Variants in CXCR6 observed in about 807,000 individuals in gnomAD.
CXCR6 encodes the protein C-X-C motif chemokine receptor 6, also known as C-X-C chemokine receptor type 6.
Under a neutral mutation model 1.6 loss-of-function variants are expected in CXCR6, and 3 were observed. The observed-to-expected ratio is 1.83, with a 90% CI of 0.83 to 4.72. CXCR6 has a LOEUF of 4.72. Among genes scored for constraint, CXCR6 ranks in the 30% most tolerant of loss-of-function variants. CXCR6 has a pLI of 0.02. For synonymous variants in CXCR6, 171 were observed against 159.2 expected (o/e 1.07, Z -0.56); for missense variants, 326 against 414.8 (o/e 0.79, Z 1.86).
Position 45,947,081 on chromosome 3 carries a change from C to T in CXCR6, c.600C>T (p.Phe200=), listed in dbSNP as rs73830634. ...TTGCCACCCAGATGACACTGGGGTT[C>T]TTCTTGCCACTGCTCACCATGATTG... The part of the protein sequence containing the change: ...VVLATQMTLG[F]FLPLLTMIVC... Residue 200 remains phenylalanine, a synonymous_variant, in exon 2 of 2, where the codon TTC becomes TTT. Transcript: ENST00000304552. 870 of 1,614,092 alleles carry T rather than the reference C, an allele frequency of 5.4e-4. 5 individuals carry two copies. The African/African-American group carries it at 7.0e-3, about 13-fold the overall frequency.
At chr3:45,942,108 A>C (rs913777320), upstream of CXCR6, among the ~76,000 whole-genome samples, 15 of 152,220 alleles carry the variant, frequency 9.9e-5, no homozygotes, top group African/African-American at 3.6e-4. Flanking sequence ...GTCTGAACGA[A>C]TTCATTCAAA....
chr3:45,946,432 A>T (rs1704609823), intron 1 of CXCR6, 29 bp from the exon 2 acceptor site: 2 of 1,523,512 alleles, frequency 1.3e-6, no homozygotes, highest in Admixed American at 1.8e-5. Context: ...CCTCAGCCCC[A>T]AATATAATTC....
At chr3:45,941,166 C>T (rs562752574), upstream of CXCR6, 5 of 152,242 alleles carry the variant, frequency 3.3e-5, no homozygotes, top group South Asian at 1.0e-3. Flanking sequence ...CTATAAGTGC[C>T]CACTGCCACG....
At chr3:45,945,722 A>G (rs1178716444) in intron 1 of CXCR6, 2 of 152,180 alleles carry the variant, frequency 1.3e-5, no homozygotes, top group African/African-American at 4.8e-5. Flanking sequence ...TAACTGATGA[A>G]GGGGAAAGTT....
In CXCR6 at chr3:45,947,019, T is replaced by C. The variant is rs1559449498; in HGVS notation, c.538T>C (p.Cys180Arg). 5 of 1,614,248 alleles carry C rather than the reference T, an allele frequency of 3.1e-6. No individual in the cohort carries two copies. In the East Asian group the frequency reaches 1.1e-4, roughly 36 times the overall value. ...TGTCTTTAATCTCGACAAGCTCATATGTGGTTACCATGACGAGGCAATTTC... is the reference window on the plus strand; with the variant it reads ...TGTCTTTAATCTCGACAAGCTCATACGTGGTTACCATGACGAGGCAATTTC... ...GNVFNLDKLICGYHDEAISTV... is the reference protein window; with the variant it reads ...GNVFNLDKLIRGYHDEAISTV... Residue 180 changes from cysteine (C) to arginine (R), a missense_variant, in exon 2 of 2, where the codon TGT (cysteine) becomes CGT (arginine). Physicochemically the swap from Cys to Arg is radical, Grantham distance 180. Coordinates refer to ENST00000304552, the MANE Select transcript of CXCR6 (RefSeq NM_006564.2).
At chr3:45,943,247 T>C (rs1411404046), upstream of CXCR6, among the ~76,000 whole-genome samples, 2 of 152,182 alleles carry the variant, frequency 1.3e-5, no homozygotes, top group African/African-American at 4.8e-5. Context: ...TCCCCTTTAG[T>C]TTACGAATAA....
Position 45,947,716 on chromosome 3 carries a change from G to T in CXCR6, c.*206G>T. 1.8e-6 allele frequency: 1 copy of T among 563,220 alleles called. No individual in the cohort carries two copies. Among genetic ancestry groups the T allele is most frequent in the East Asian group, 2.9e-5 (1 of 34,204 alleles). 34.9% of individuals were successfully genotyped at this position (563,220 alleles called of 1,614,324 possible). On this transcript the variant is annotated 3_prime_UTR_variant, in exon 2 of 2. Coordinates refer to ENST00000304552, the MANE Select transcript of CXCR6 (RefSeq NM_006564.2). ...CTCATGCTGAAAGCCCAAGTAGGGG[G>T]TCTAAAATTTTTAAGGACTTTCCTT...
At position 45,947,758 on chromosome 3, in the gene CXCR6, T is replaced by A. The variant is rs1704728431; in HGVS notation, c.*248T>A. The A allele has an allele frequency of 2.0e-6, 1 of 506,532 alleles. No homozygotes were observed. The allele number at this position is 506,532 out of a possible 1,614,324, so 31.4% of individuals were successfully genotyped here. A position where few individuals can be genotyped will look rare whatever the true frequency, so the allele number is the denominator to read the frequency against. The stretch of plus-strand genomic sequence containing the variant: ...ACTTTCCTTCCTCCATCTCCAAGAA[T>A]GCTGAAACCAAGGGGGATGACATGT... On this transcript the variant is annotated 3_prime_UTR_variant, in exon 2 of 2. Coordinates refer to ENST00000304552, the MANE Select transcript of CXCR6 (RefSeq NM_006564.2).
At chr3:45,943,404 T>C (rs1704366717), upstream of CXCR6, 1 of 151,994 alleles carries the variant, frequency 6.6e-6, no homozygotes, top group Non-Finnish European at 1.5e-5. Context: ...GAGTAGGGGG[T>C]GGGTCTCTTA....
rs1376860644 is a variant in CXCR6, at chr3:45,946,478, C to T, written c.-4C>T. Reference sequence around the variant, plus strand: ...ACTCACAGGTGTTCATCAGAACAGACACCATGGCAGAGCATGATTACCATG... The same window carrying T: ...ACTCACAGGTGTTCATCAGAACAGATACCATGGCAGAGCATGATTACCATG... On this transcript the variant is annotated 5_prime_UTR_variant, in exon 2 of 2. Coordinates refer to ENST00000304552, the MANE Select transcript of CXCR6 (RefSeq NM_006564.2). The T allele has an allele frequency of 2.5e-6, 4 of 1,610,068 alleles. No homozygotes were observed. Among genetic ancestry groups the T allele is most frequent in the Non-Finnish European group, 2.5e-6 (3 of 1,177,194 alleles).
chr3:45,946,647 T>C lies in CXCR6; in HGVS notation c.166T>C (p.Ser56Pro), dbSNP rs778725956. 1.2e-6 allele frequency: 2 copies of C among 1,614,082 alleles called. No individual in the cohort carries two copies. The highest frequency in any genetic ancestry group is 2.7e-5 in the African/African-American group (2 of 74,912). The change falls in exon 2 of 2, where the codon TCC (serine) becomes CCC (proline). Residue 56 changes from serine (S) to proline (P), a missense_variant. By Grantham distance (74) the Ser-to-Pro change is moderately conservative. Transcript: ENST00000304552. The part of the protein sequence containing the change: ...LVGNSLVLVI[S>P]IFYHKLQSLT... ...GGGGAACTCTCTGGTGCTGGTCATATCCATCTTCTACCATAAGTTGCAGAG... is the reference window on the plus strand; with the variant it reads ...GGGGAACTCTCTGGTGCTGGTCATACCCATCTTCTACCATAAGTTGCAGAG...
chr3:45,947,078 G>A lies in CXCR6; in HGVS notation c.597G>A (p.Gly199=), dbSNP rs1559449556. The A allele has an allele frequency of 6.2e-7, 1 of 1,614,210 alleles. No individual in the cohort carries two copies. Among genetic ancestry groups the A allele is most frequent in the Non-Finnish European group, 8.5e-7 (1 of 1,180,042 alleles). The change falls in exon 2 of 2, where the codon GGG becomes GGA. Residue 199 remains glycine, a synonymous_variant. Coordinates refer to ENST00000304552, the MANE Select transcript of CXCR6 (RefSeq NM_006564.2). ...TTCTTGCCACCCAGATGACACTGGGGTTCTTCTTGCCACTGCTCACCATGA... is the reference window on the plus strand; with the variant it reads ...TTCTTGCCACCCAGATGACACTGGGATTCTTCTTGCCACTGCTCACCATGA... The part of the protein sequence containing the change: ...TVVLATQMTL[G]FFLPLLTMIV...
intron 1 of CXCR6, chr3:45,944,909 C>G (rs1334494110): frequency 1.3e-5 from 2 of 152,182 alleles, no homozygotes; most frequent in African/African-American, 2.4e-5. Context: ...AACACATACA[C>G]ATCATCTGAC....
Position 45,947,305 on chromosome 3 carries a change from C to G in CXCR6, c.824C>G (p.Ala275Gly). ...SFHYTIMVTE[A>G]IAYLRACLNP... The stretch of plus-strand genomic sequence containing the variant: ...CACTACACCATCATGGTGACAGAGG[C>G]CATCGCATACCTGAGGGCCTGCCTT... Residue 275 changes from alanine (A) to glycine (G), a missense_variant, in exon 2 of 2, where the codon GCC becomes GGC. Transcript: ENST00000304552. 6.2e-7 allele frequency: 1 copy of G among 1,614,146 alleles called. No individual in the cohort carries two copies. Among genetic ancestry groups the G allele is most frequent in the Non-Finnish European group, 8.5e-7 (1 of 1,180,028 alleles).
upstream of CXCR6, among the ~76,000 whole-genome samples, chr3:45,941,736 C>T (rs1465847610): frequency 1.3e-5 from 2 of 152,162 alleles, no homozygotes; most frequent in Non-Finnish European, 2.9e-5. Context: ...GCTTGTTTTT[C>T]CCCATGGAGT....
chr3:45,942,677 A>T (rs1432160625), upstream of CXCR6, among the ~76,000 whole-genome samples: 1 of 152,208 alleles, frequency 6.6e-6, no homozygotes, highest in East Asian at 1.9e-4. Context: ...GTTATTTCCC[A>T]GAAGGGTCAG....
At position 45,947,253 on chromosome 3, in the gene CXCR6, T is replaced by C. The variant is rs1704676762; in HGVS notation, c.772T>C (p.Trp258Arg). The change falls in exon 2 of 2, where the codon TGG (tryptophan) becomes CGG (arginine). Residue 258 changes from tryptophan to arginine, a missense_variant. Transcript: ENST00000304552. ...NLMKFIRSTH[W>R]EYYAMTSFHY... ...CATGAAGTTCATCCGCAGCACACAC[T>C]GGGAATACTATGCCATGACCAGCTT... is the stretch of plus-strand genomic sequence containing the variant. 2 of 1,614,136 alleles carry C rather than the reference T, an allele frequency of 1.2e-6. No individual in the cohort carries two copies. The highest frequency in any genetic ancestry group is 8.5e-7 in the Non-Finnish European group (1 of 1,180,040).
chr3:45,941,364 T>C (rs1205075723), upstream of CXCR6: 3 of 152,178 alleles, frequency 2.0e-5, no homozygotes, highest in Non-Finnish European at 4.4e-5. Flanking sequence ...TGCCACTTCC[T>C]TTTTACTCTT....
intron 1 of CXCR6, chr3:45,946,249 T>C (rs752247125): frequency 4.5e-5 from 22 of 489,394 alleles, no homozygotes; most frequent in Non-Finnish European, 7.7e-5. Context: ...ATCCTGAGAA[T>C]TTTCAGGCTA....
Sources: gnomAD v4.1 joint callset for allele counts (sites outside exome capture counted in the v4.1 genomes callset) on GRCh38, gnomAD v4.1.1 for gene constraint, MANE v1.5 for transcripts, NCBI Gene and HGNC (gene_info 2026-07-23, HGNC 2026-07-21) for gene names.